PDGFD: variants seen among roughly 807,000 people sequenced by gnomAD.
The protein encoded by PDGFD is platelet-derived growth factor D.
In PDGFD, 30 loss-of-function variants were observed where a neutral mutation model predicts 44.7. That is an observed-to-expected ratio of 0.67 (90% CI 0.50 to 0.91). The LOEUF is 0.91. Among genes scored for constraint, PDGFD ranks in the 40% least tolerant of loss-of-function variants. PDGFD has a pLI of 0.00. For missense variants in PDGFD, 445 were observed against 457.8 expected (o/e 0.97, Z 0.25); for synonymous variants, 173 against 168.4 (o/e 1.03, Z -0.21).
intron 5 of PDGFD, among the ~76,000 whole-genome samples, chr11:103,943,157 T>C (rs930430144): frequency 3.9e-5 from 6 of 152,236 alleles, no homozygotes; most frequent in African/African-American, 1.4e-4. Context: ...CCTTACTCAT[T>C]ATTACAGGTT....
intron 3 of PDGFD, among the ~76,000 whole-genome samples, chr11:103,983,374 A>C (rs1425334911): frequency 6.6e-6 from 1 of 151,834 alleles, no homozygotes; most frequent in Non-Finnish European, 1.5e-5. Flanking sequence ...CATATGCAGA[A>C]GATTGAAACT....
At chr11:103,979,289 A>G (rs1859229797) in intron 3 of PDGFD, among the ~76,000 whole-genome samples, 1 of 152,008 alleles carries the variant, frequency 6.6e-6, no homozygotes, top group Admixed American at 6.6e-5. Flanking sequence ...TCGGTAACTC[A>G]CTTTGTTCCC....
At chr11:103,916,675 C>T (rs1378798756) in intron 6 of PDGFD, among the ~76,000 whole-genome samples, 1 of 152,180 alleles carries the variant, frequency 6.6e-6, no homozygotes, top group Non-Finnish European at 1.5e-5. Context: ...ATAGCAAAGA[C>T]TTGGAACCAA....
At position 103,921,486 on chromosome 11, in the gene PDGFD, G is replaced by A. The variant is rs1348601521; in HGVS notation, c.987+5426C>T. On this transcript the variant is annotated intron_variant, in intron 6 of 6. Coordinates refer to ENST00000393158, the MANE Select transcript of PDGFD (RefSeq NM_025208.5). ...GTATTACTCTAACCTCATATTTCATGTATAAATACAGATGCTCGTTGACTT... is the reference window on the plus strand; with the variant it reads ...GTATTACTCTAACCTCATATTTCATATATAAATACAGATGCTCGTTGACTT... Among the ~76,000 whole-genome samples, 13 of 151,522 alleles carry A rather than the reference G, an allele frequency of 8.6e-5. 1 individual carries two copies. The highest frequency in any genetic ancestry group is 8.6e-4 in the Admixed American group (13 of 15,188).
At chr11:104,067,381 C>A (rs1860804349) in intron 1 of PDGFD, among the ~76,000 whole-genome samples, 1 of 152,032 alleles carries the variant, frequency 6.6e-6, no homozygotes, top group Non-Finnish European at 1.5e-5. Context: ...TAAAAATATA[C>A]CGAACAATTT....
chr11:103,914,731 T>C (rs1462911249), intron 6 of PDGFD, among the ~76,000 whole-genome samples: 1 of 151,954 alleles, frequency 6.6e-6, no homozygotes, highest in African/African-American at 2.4e-5. Flanking sequence ...CAGCAGCACA[T>C]CAAAAAGCTT....
rs1458084730 is a variant in PDGFD, at chr11:104,084,052, T to A, written c.124+79752A>T. 1.1e-4 allele frequency among the ~76,000 whole-genome samples: 16 copies of A among 152,226 alleles called. 1 individual carries two copies. The highest frequency in any genetic ancestry group is 1.3e-4 in the Admixed American group (2 of 15,264). On this transcript the variant is annotated intron_variant, in intron 1 of 6. Transcript: ENST00000393158. ...TGAGTTACCACGCACTTTGATGTGA[T>A]GTTGAGGAACAATATGTACGGATTA... is the stretch of plus-strand genomic sequence containing the variant.
chr11:103,911,453 C>T (rs1040464747), intron 6 of PDGFD, among the ~76,000 whole-genome samples: 52 of 152,258 alleles, frequency 3.4e-4, no homozygotes, highest in African/African-American at 1.2e-3. Flanking sequence ...AGGACATCCA[C>T]TCAGAGACCC....
chr11:104,103,141 T>C (rs1387662572), intron 1 of PDGFD, among the ~76,000 whole-genome samples: 1 of 152,140 alleles, frequency 6.6e-6, no homozygotes, highest in Admixed American at 6.6e-5. Context: ...TTTCTGTGAC[T>C]TAGTTTTCCC....
At chr11:104,064,220 A>G (rs1217856722) in intron 1 of PDGFD, among the ~76,000 whole-genome samples, 1 of 152,256 alleles carries the variant, frequency 6.6e-6, no homozygotes, top group Non-Finnish European at 1.5e-5. Flanking sequence ...CTTCATAGCC[A>G]TCACCTAAAA....
chr11:104,054,828 C>T (rs1343623657), intron 1 of PDGFD, among the ~76,000 whole-genome samples: 1 of 152,134 alleles, frequency 6.6e-6, no homozygotes, highest in African/African-American at 2.4e-5. Flanking sequence ...ATAGGGGAGA[C>T]AGTAATGGTG....
intron 1 of PDGFD, among the ~76,000 whole-genome samples, chr11:104,007,516 T>C (rs1859721972): frequency 6.6e-6 from 1 of 152,158 alleles, no homozygotes; most frequent in Non-Finnish European, 1.5e-5. Flanking sequence ...AAATATTTGA[T>C]CAAACAGTGA....
chr11:104,133,740 C>T (rs12281544), intron 1 of PDGFD, among the ~76,000 whole-genome samples: 3 of 151,944 alleles, frequency 2.0e-5, no homozygotes, highest in Admixed American at 1.3e-4. Flanking sequence ...AGACAAGGCT[C>T]GTGAGGGCAA....
chr11:103,999,355 A>C (rs1401776951), intron 2 of PDGFD, among the ~76,000 whole-genome samples: 2 of 152,240 alleles, frequency 1.3e-5, no homozygotes, highest in Admixed American at 6.5e-5. Flanking sequence ...ATGCTAATTA[A>C]GCGAGTAAAA....
At chr11:104,161,013 T>C (rs1032059225) in intron 1 of PDGFD, among the ~76,000 whole-genome samples, 2 of 152,208 alleles carry the variant, frequency 1.3e-5, no homozygotes, top group African/African-American at 2.4e-5. Context: ...ACACACCTCA[T>C]GCCCTGAACA....
rs116766171 is a variant in PDGFD at position 104,035,689 on chromosome 11, G to C, written c.125-35434C>G. Among the ~76,000 whole-genome samples the C allele has an allele frequency of 9.2e-3, 1,370 of 149,396 alleles. 18 individuals carry two copies. The highest frequency in any genetic ancestry group is 0.032 in the African/African-American group (1,290 of 40,498). ...TAATTTTTTTCCAGCTTCATATCCT[G>C]GTATTCAAAGTCATGTACAATTTTT... On this transcript the variant is annotated intron_variant, in intron 1 of 6. Transcript: ENST00000393158.
intron 2 of PDGFD, among the ~76,000 whole-genome samples, chr11:103,997,939 T>C (rs1460055025): frequency 3.9e-5 from 6 of 152,088 alleles, no homozygotes; most frequent in African/African-American, 1.2e-4. Flanking sequence ...CTTCCTTCCA[T>C]AAATTTTGAG....
intron 3 of PDGFD, among the ~76,000 whole-genome samples, chr11:103,948,105 C>G (rs1245959866): frequency 6.6e-6 from 1 of 152,106 alleles, no homozygotes; most frequent in African/African-American, 2.4e-5. Flanking sequence ...TATGTAATTA[C>G]CAATGGCACT....
chr11:104,080,612 G>A (rs762164940), intron 1 of PDGFD, among the ~76,000 whole-genome samples: 2 of 152,104 alleles, frequency 1.3e-5, no homozygotes, highest in Non-Finnish European at 2.9e-5. Context: ...TATGTTGGAG[G>A]AGCCACCATC....
Sources: allele counts gnomAD v4.1 joint callset (sites outside exome capture counted in the v4.1 genomes callset), GRCh38; gene constraint gnomAD v4.1.1; transcripts MANE v1.5; gene names NCBI Gene and HGNC (gene_info 2026-07-23, HGNC 2026-07-21).